Variants in SGCD observed in about 807,000 individuals in gnomAD.
SGCD encodes sarcoglycan delta.
SGCD carries 18 observed loss-of-function variants against 36.6 expected under a neutral mutation model. That is an observed-to-expected ratio of 0.49 (90% CI 0.34 to 0.73). The LOEUF (loss-of-function observed/expected upper bound fraction) is 0.73, where lower values mean the gene tolerates loss of function less well. Ranked by LOEUF, SGCD falls within the 30% of genes least tolerant of loss-of-function variation. The probability of loss-of-function intolerance (pLI) is 0.01; values close to 1 mark genes in which losing one functional copy is unlikely to be tolerated. For synonymous variants in SGCD, 133 were observed against 130.6 expected, an observed-to-expected ratio of 1.02 and a Z score of -0.12; for missense variants, 387 against 346.7, an observed-to-expected ratio of 1.12 and a Z score of -0.92.
chr5:156,314,771 G>A (rs1011068719), intron 3 of SGCD, among the ~76,000 whole-genome samples: 1 of 152,036 alleles, frequency 6.6e-6, no homozygotes, highest in Non-Finnish European at 1.5e-5. Flanking sequence ...GGGAAGAGAA[G>A]TCTTGTGGAA....
chr5:156,181,297 A>G (rs542824998), intron 3 of SGCD, among the ~76,000 whole-genome samples: 78 of 152,324 alleles, frequency 5.1e-4, no homozygotes, highest in African/African-American at 1.8e-3. Flanking sequence ...AATGCAAAAT[A>G]TTACTGAGAG....
the SGCD span, among the ~76,000 whole-genome samples, chr5:155,747,047 C>T: frequency 6.6e-6 from 1 of 152,136 alleles, no homozygotes; most frequent in African/African-American, 2.4e-5. Flanking sequence ...CCTCCAGGGG[C>T]TCTCCACCCT....
intron 7 of SGCD, among the ~76,000 whole-genome samples, chr5:156,695,000 T>C (rs1224097486): frequency 6.6e-6 from 1 of 152,182 alleles, no homozygotes; most frequent in Non-Finnish European, 1.5e-5. Flanking sequence ...ACTGCAGAAT[T>C]TTTGTGTTTC....
rs149687752 is a variant in SGCD at position 156,265,872 on chromosome 5, G to A, written c.-43-63662G>A. 9.3e-3 allele frequency among the ~76,000 whole-genome samples: 1,421 copies of A among 152,166 alleles called. 7 individuals are homozygous for A. The highest frequency in any genetic ancestry group is 0.024 in the Middle Eastern group (7 of 294). On this transcript the variant is annotated intron_variant, in intron 3 of 9. Transcript: ENST00000517913. ...GGGATATCTGAGGGTAATTGCTTGC[G>A]ATTTTCTCACGAATCAGCTAGTACC...
chr5:156,398,072 G>A lies in SGCD; in HGVS notation c.192+53395G>A, dbSNP rs532043865. On this transcript the variant is annotated intron_variant, in intron 3 of 8. Transcript: ENST00000337851. Reference sequence around the variant, plus strand: ...GGGCTGGATACATCTCCCCTGAGGCGCTGCCTGAAGTTCCCTCATTGGTTA... The same window carrying A: ...GGGCTGGATACATCTCCCCTGAGGCACTGCCTGAAGTTCCCTCATTGGTTA... 2.0e-4 allele frequency among the ~76,000 whole-genome samples: 31 copies of A among 152,286 alleles called. No individual in the cohort carries two copies. The East Asian group carries it at 5.4e-3, about 27-fold the overall frequency.
intron 4 of SGCD, among the ~76,000 whole-genome samples, chr5:156,559,415 T>G (rs776280442): frequency 6.6e-6 from 1 of 152,154 alleles, no homozygotes; most frequent in Non-Finnish European, 1.5e-5. Context: ...GAAGTAGAAC[T>G]TGGGTTTAGA....
chr5:156,190,581 G>C (rs1561557935), intron 3 of SGCD, among the ~76,000 whole-genome samples: 1 of 152,098 alleles, frequency 6.6e-6, no homozygotes, highest in Non-Finnish European at 1.5e-5. Context: ...ATAATTCCAG[G>C]TGCTTGGCAT....
chr5:155,844,497 C>T, the SGCD span, among the ~76,000 whole-genome samples: 5 of 150,278 alleles, frequency 3.3e-5, no homozygotes, highest in Admixed American at 3.3e-4. Flanking sequence ...AAAGTGGTGA[C>T]TCAGGGATAT....
intron 1 of SGCD, among the ~76,000 whole-genome samples, chr5:156,015,326 A>G (rs1758945800): frequency 6.6e-6 from 1 of 152,138 alleles, no homozygotes; most frequent in Admixed American, 6.5e-5. Flanking sequence ...AATTTATTCC[A>G]CACTTGGCCA....
the SGCD span, among the ~76,000 whole-genome samples, chr5:155,728,414 G>A: frequency 6.6e-6 from 1 of 152,202 alleles, no homozygotes; most frequent in Non-Finnish European, 1.5e-5. Flanking sequence ...CGAGCCTGGC[G>A]AGCCGGCGAA....
intron 4 of SGCD, among the ~76,000 whole-genome samples, chr5:156,550,231 A>G (rs1387517697): frequency 6.6e-6 from 1 of 152,226 alleles, no homozygotes; most frequent in African/African-American, 2.4e-5. Context: ...TGTATTTCTT[A>G]TATGAGTAAA....
chr5:155,886,480 A>ATGTGTG (rs796741485), intron 1 of SGCD, among the ~76,000 whole-genome samples: 7 of 151,036 alleles, frequency 4.6e-5, no homozygotes, highest in South Asian at 2.1e-4. Context: ...TTGCAGAGGA[A>ATGTGTG]TGTGTGTGTG....
the SGCD span, among the ~76,000 whole-genome samples, chr5:155,797,016 A>G: frequency 7.2e-5 from 11 of 152,068 alleles, no homozygotes; most frequent in Non-Finnish European, 1.3e-4. Flanking sequence ...TAATAGCAAA[A>G]CTAATCAAGG....
chr5:156,722,884 G>A (rs1755579393), intron 7 of SGCD, among the ~76,000 whole-genome samples: 3 of 152,278 alleles, frequency 2.0e-5, no homozygotes, highest in Admixed American at 1.3e-4. Context: ...TCACCTTTTT[G>A]TGGGGACCCA....
chr5:156,601,897 G>A lies in SGCD; in HGVS notation c.502+6846G>A, dbSNP rs147143531. ...CGGGTTTCACCGTGTTAGCCAGGAT[G>A]ATCTCGATCTCCTGACCTTGTGATC... On this transcript the variant is annotated intron_variant, in intron 6 of 8. Coordinates refer to ENST00000337851, the MANE Select transcript of SGCD (RefSeq NM_000337.6). Among the ~76,000 whole-genome samples the A allele has an allele frequency of 8.8e-3, 1,343 of 152,218 alleles. 13 individuals are homozygous for A. The highest frequency in any genetic ancestry group is 0.031 in the African/African-American group (1,274 of 41,528).
chr5:155,874,028 T>G (rs1313272311), intron 1 of SGCD, among the ~76,000 whole-genome samples: 4 of 152,118 alleles, frequency 2.6e-5, no homozygotes, highest in Non-Finnish European at 5.9e-5. Flanking sequence ...ACACCATTGC[T>G]CATATCAACA....
At chr5:155,754,008 T>C in the SGCD span, among the ~76,000 whole-genome samples, 6 of 152,320 alleles carry the variant, frequency 3.9e-5, no homozygotes, top group African/African-American at 1.4e-4. Context: ...GATTCACTCA[T>C]TGATATTGCC....
intron 3 of SGCD, among the ~76,000 whole-genome samples, chr5:156,292,101 CT>C (rs1276138200): frequency 6.6e-6 from 1 of 152,064 alleles, no homozygotes; most frequent in Non-Finnish European, 1.5e-5. Flanking sequence ...ATTTATCTTT[CT>C]GTGTCTGGCT....
intron 7 of SGCD, among the ~76,000 whole-genome samples, chr5:156,677,549 G>A (rs1753562135): frequency 1.3e-5 from 2 of 152,252 alleles, no homozygotes; most frequent in Non-Finnish European, 2.9e-5. Context: ...TAGGGTTGGG[G>A]GAGGGGGAGG....
Sources: allele counts gnomAD v4.1 joint callset (sites outside exome capture counted in the v4.1 genomes callset), GRCh38; gene constraint gnomAD v4.1.1; transcripts MANE v1.5; gene names NCBI Gene and HGNC (gene_info 2026-07-23, HGNC 2026-07-21).